Variants in CCDC102B observed in about 807,000 individuals in gnomAD.
CCDC102B encodes coiled-coil domain containing 102B.
In CCDC102B, 75 loss-of-function variants were observed where a neutral mutation model predicts 57.4. That is an observed-to-expected ratio of 1.31 (90% CI 1.08 to 1.58). The LOEUF is 1.58. Among genes scored for constraint, CCDC102B ranks in the 40% most tolerant of loss-of-function variants. CCDC102B has a pLI of 0.00. For synonymous variants in CCDC102B, 206 were observed against 201.9 expected, an observed-to-expected ratio of 1.02 and a Z score of -0.17; for missense variants, 636 against 582.6, an observed-to-expected ratio of 1.09 and a Z score of -0.94.
chr18:68,748,253 T>C (rs1200066483), intron 2 of CCDC102B, among the ~76,000 whole-genome samples: 2 of 136,716 alleles, frequency 1.5e-5, no homozygotes, highest in African/African-American at 2.7e-5. Context: ...TGTGTGTGTG[T>C]GTGTTTGCTA....
At chr18:68,748,612 G>A (rs139062081) in intron 2 of CCDC102B, among the ~76,000 whole-genome samples, 4 of 152,232 alleles carry the variant, frequency 2.6e-5, no homozygotes, top group Non-Finnish European at 5.9e-5. Flanking sequence ...ATGCTTTGTA[G>A]GTAATATGTT....
intron 2 of CCDC102B, among the ~76,000 whole-genome samples, chr18:68,723,062 A>C (rs1273846940): frequency 1.3e-5 from 2 of 152,126 alleles, no homozygotes; most frequent in African/African-American, 4.8e-5. Context: ...GGGAGGCCTC[A>C]GGAAACTTAC....
chr18:68,751,873 A>C (rs1224872498), intron 2 of CCDC102B, among the ~76,000 whole-genome samples: 1 of 152,212 alleles, frequency 6.6e-6, no homozygotes, highest in Admixed American at 6.6e-5. Flanking sequence ...AACTCAAAGC[A>C]GAATAATTGA....
chr18:68,922,770 G>A (rs1006969821), intron 6 of CCDC102B, among the ~76,000 whole-genome samples: 16 of 151,988 alleles, frequency 1.1e-4, no homozygotes, highest in African/African-American at 3.4e-4. Context: ...AGGTGAGTCC[G>A]GTTTCATGGA....
chr18:69,041,771 AT>A (rs2052441563), intron 7 of CCDC102B, among the ~76,000 whole-genome samples: 1 of 151,510 alleles, frequency 6.6e-6, no homozygotes, highest in South Asian at 2.1e-4. Context: ...AATTGCTCTG[AT>A]TTTGGTTATT....
chr18:68,717,076 CAAAAAAAAA>C (rs762558435), intron 2 of CCDC102B, among the ~76,000 whole-genome samples: 189 of 103,222 alleles, frequency 1.8e-3, no homozygotes, highest in African/African-American at 6.5e-3. Flanking sequence ...GACTCTGTTT[CAAAAAAAAA>C]AAAAAAAAAT....
At chr18:68,800,159 C>T (rs867614142) in intron 1 of CCDC102B, among the ~76,000 whole-genome samples, 1 of 152,164 alleles carries the variant, frequency 6.6e-6, no homozygotes, top group South Asian at 2.1e-4. Context: ...TGTTCAGAAA[C>T]GTTCAATGAT....
At chr18:68,825,442 C>T (rs2036869391) in intron 1 of CCDC102B, among the ~76,000 whole-genome samples, 1 of 152,114 alleles carries the variant, frequency 6.6e-6, no homozygotes, top group East Asian at 1.9e-4. Context: ...GTAATCCCCG[C>T]ACTTTGGGAG....
At chr18:68,724,606 C>T (rs1461558392) in intron 2 of CCDC102B, among the ~76,000 whole-genome samples, 2 of 152,176 alleles carry the variant, frequency 1.3e-5, no homozygotes, top group Admixed American at 1.3e-4. Flanking sequence ...CCAACAAGTT[C>T]CTCTTCTCCA....
intron 2 of CCDC102B, among the ~76,000 whole-genome samples, chr18:68,783,699 G>T (rs757480033): frequency 6.6e-6 from 1 of 152,038 alleles, no homozygotes; most frequent in Non-Finnish European, 1.5e-5. Context: ...TTGGTGTTTA[G>T]AAAGTCCCAA....
In CCDC102B at chr18:68,889,848, C is replaced by G. The variant is rs539092387; in HGVS notation, c.1054-7371C>G. Among the ~76,000 whole-genome samples the G allele has an allele frequency of 2.0e-5, 3 of 152,308 alleles. No homozygotes were observed. The South Asian group carries it at 6.2e-4, about 32-fold the overall frequency. ...GATTCTCAAATTGTCCCAAAGCTAA[C>G]CAGTTGGATCCCTTTTAGGCTAAAA... On this transcript the variant is annotated intron_variant, in intron 5 of 7. Transcript: ENST00000360242.
At chr18:68,826,637 T>TA (rs2036914423) in intron 1 of CCDC102B, among the ~76,000 whole-genome samples, 1 of 152,136 alleles carries the variant, frequency 6.6e-6, no homozygotes. Context: ...GAAGTGTGTC[T>TA]ATATTTTTAT....
At chr18:68,952,099 G>A (rs1405363740) in intron 6 of CCDC102B, among the ~76,000 whole-genome samples, 1 of 152,070 alleles carries the variant, frequency 6.6e-6, no homozygotes, top group East Asian at 1.9e-4. Flanking sequence ...GTGAATAAAT[G>A]CAAATGCACC....
intron 5 of CCDC102B, among the ~76,000 whole-genome samples, chr18:68,880,428 C>T (rs2039650624): frequency 6.6e-6 from 1 of 152,218 alleles, no homozygotes; most frequent in Admixed American, 6.5e-5. Context: ...TTGGCCAGCC[C>T]AGAAAGGGGC....
chr18:68,836,620 C>CT (rs1428949732), intron 1 of CCDC102B, 129 bp from the exon 2 acceptor site: 4 of 594,242 alleles, frequency 6.7e-6, no homozygotes, highest in Non-Finnish European at 1.0e-5. Context: ...GAGCAAGACT[C>CT]TGTCAAAAAT....
intron 1 of CCDC102B, among the ~76,000 whole-genome samples, chr18:68,801,521 AG>A (rs1306974618): frequency 2.0e-5 from 3 of 148,980 alleles, no homozygotes; most frequent in Non-Finnish European, 3.0e-5. Context: ...AAATTTTGAT[AG>A]AAGGATTTTT....
At chr18:68,761,847 C>G (rs1190328009) in intron 2 of CCDC102B, among the ~76,000 whole-genome samples, 1 of 151,916 alleles carries the variant, frequency 6.6e-6, no homozygotes, top group African/African-American at 2.4e-5. Context: ...TTTTTAAAAT[C>G]GTTATTTGTG....
At chr18:68,801,201 A>T (rs919903275) in intron 1 of CCDC102B, among the ~76,000 whole-genome samples, 2 of 152,114 alleles carry the variant, frequency 1.3e-5, no homozygotes, top group African/African-American at 2.4e-5. Context: ...ATTTTTGTAC[A>T]GGTTTAGGTT....
At chr18:68,928,410 C>T (rs372389587) in intron 6 of CCDC102B, among the ~76,000 whole-genome samples, 2 of 151,708 alleles carry the variant, frequency 1.3e-5, no homozygotes, top group African/African-American at 2.4e-5. Context: ...AGCTGGCAAA[C>T]GAAGCTGAGG....
Sources: gnomAD v4.1 joint callset for allele counts (sites outside exome capture counted in the v4.1 genomes callset) on GRCh38, gnomAD v4.1.1 for gene constraint, MANE v1.5 for transcripts, NCBI Gene and HGNC (gene_info 2026-07-23, HGNC 2026-07-21) for gene names.